MIPOL1: variants seen among roughly 807,000 people sequenced by gnomAD.
MIPOL1 encodes mirror-image polydactyly gene 1 protein.
A neutral mutation model predicts 60.9 loss-of-function variants in MIPOL1; 57 were observed. That is an observed-to-expected ratio of 0.94 (90% confidence interval 0.76 to 1.17). The LOEUF (loss-of-function observed/expected upper bound fraction) is 1.17, where lower values mean the gene tolerates loss of function less well. Ranked by LOEUF, MIPOL1 falls within the 50% of genes most tolerant of loss-of-function variation. The probability of loss-of-function intolerance (pLI) is 0.00; values close to 1 mark genes in which losing one functional copy is unlikely to be tolerated. For missense variants in MIPOL1, 551 were observed against 511.6 expected (o/e 1.08, Z -0.74); for synonymous variants, 179 against 168.8 (o/e 1.06, Z -0.47).
At chr14:37,306,656 G>A (rs1163421355) in intron 7 of MIPOL1, among the ~76,000 whole-genome samples, 2 of 151,676 alleles carry the variant, frequency 1.3e-5, no homozygotes, top group Non-Finnish European at 3.0e-5. Flanking sequence ...CTGGTTAAAT[G>A]CCACTCATTT....
intron 9 of MIPOL1, among the ~76,000 whole-genome samples, chr14:37,349,571 A>G (rs1379972618): frequency 6.6e-6 from 1 of 151,452 alleles, no homozygotes; most frequent in Admixed American, 6.6e-5. Flanking sequence ...TGCTTCAACC[A>G]CTCCTTCCAA....
intron 11 of MIPOL1, among the ~76,000 whole-genome samples, chr14:37,469,120 A>G (rs1160960344): frequency 6.6e-6 from 1 of 152,222 alleles, no homozygotes; most frequent in Non-Finnish European, 1.5e-5. Context: ...GTGGTTTATT[A>G]GTCCATTCTT....
intron 11 of MIPOL1, among the ~76,000 whole-genome samples, chr14:37,486,237 A>T (rs2094943778): frequency 6.6e-6 from 1 of 152,190 alleles, no homozygotes; most frequent in Non-Finnish European, 1.5e-5. Context: ...TGGTTACTAT[A>T]GCCTTGTAGT....
intron 1 of MIPOL1, among the ~76,000 whole-genome samples, chr14:37,238,226 G>T (rs531556864): frequency 4.6e-5 from 7 of 152,026 alleles, no homozygotes; most frequent in African/African-American, 1.7e-4. Context: ...TGTTATAAAC[G>T]ATTGCAAACA....
chr14:37,267,558 T>C (rs1567211086), intron 4 of MIPOL1, among the ~76,000 whole-genome samples: 2 of 152,090 alleles, frequency 1.3e-5, no homozygotes, highest in Non-Finnish European at 2.9e-5. Context: ...TTCTTCCTCT[T>C]TCCTTCTTTC....
chr14:37,270,525 G>A lies in MIPOL1; in HGVS notation c.493G>A (p.Ala165Thr). The A allele has an allele frequency of 6.4e-7, 1 of 1,552,436 alleles. No homozygotes were observed. The highest frequency in any genetic ancestry group is 8.8e-7 in the Non-Finnish European group (1 of 1,136,010). Reference sequence around the variant, plus strand: ...AGCTAAAATTGCTGAAAAGACAGCAGGTATAGTAGAGGAGTATTAACACAT... The same window carrying A: ...AGCTAAAATTGCTGAAAAGACAGCAAGTATAGTAGAGGAGTATTAACACAT... Reference protein sequence around the residue: ...TEAKIAEKTAALVEEVYFAQK... With the variant: ...TEAKIAEKTATLVEEVYFAQK... The change falls in exon 6 of 13, where the codon GCT becomes ACT. Residue 165 changes from alanine to threonine, a missense_variant and splice_region_variant. Coordinates refer to ENST00000684589, the MANE Select transcript of MIPOL1 (RefSeq NM_001388067.1).
chr14:37,531,202 CCT>C (rs1186783638), intron 12 of MIPOL1, among the ~76,000 whole-genome samples: 1 of 152,076 alleles, frequency 6.6e-6, no homozygotes, highest in African/African-American at 2.4e-5. Flanking sequence ...TGCTTATTTG[CCT>C]CTCTTTGTTC....
intron 9 of MIPOL1, among the ~76,000 whole-genome samples, chr14:37,338,502 A>C (rs973895479): frequency 1.2e-4 from 18 of 149,408 alleles, no homozygotes; most frequent in Non-Finnish European, 2.5e-4. Context: ...TCTGCCTCCC[A>C]GATTCAAGTG....
rs909706855 is a variant in MIPOL1 at position 37,247,797 on chromosome 14, A to G, written c.-60-32A>G. 4.7e-6 allele frequency: 6 copies of G among 1,276,792 alleles called. No individual in the cohort carries two copies. The African/African-American group carries it at 6.0e-5, about 13-fold the overall frequency. The allele number at this position is 1,276,792 out of a possible 1,614,324, so 79.1% of individuals were successfully genotyped here. ...AGGTGTGTTCTGATATATTGTTTTC[A>G]GTTTATTTATCTAGAGTTGGCTTTA... is the stretch of plus-strand genomic sequence containing the variant. On this transcript the variant is annotated intron_variant, in intron 2 of 12. Coordinates refer to ENST00000684589, the MANE Select transcript of MIPOL1 (RefSeq NM_001388067.1).
At chr14:37,353,703 T>G (rs1297337831) in intron 9 of MIPOL1, among the ~76,000 whole-genome samples, 12 of 152,272 alleles carry the variant, frequency 7.9e-5, no homozygotes, top group African/African-American at 2.9e-4. Flanking sequence ...TAGAGGTGTT[T>G]GTAGTATTCT....
chr14:37,338,518 C>A (rs1361922599), intron 9 of MIPOL1, among the ~76,000 whole-genome samples: 1 of 151,924 alleles, frequency 6.6e-6, no homozygotes, highest in Non-Finnish European at 1.5e-5. Context: ...AAGTGATTTT[C>A]CTGCCTCAGC....
chr14:37,503,638 C>A (rs1279321583), intron 12 of MIPOL1: 1 of 152,106 alleles, frequency 6.6e-6, no homozygotes, highest in Non-Finnish European at 1.5e-5. Context: ...TTGGAACAAG[C>A]CACTGCAAAA....
At chr14:37,470,580 A>G (rs917847707) in intron 11 of MIPOL1, among the ~76,000 whole-genome samples, 1 of 152,090 alleles carries the variant, frequency 6.6e-6, no homozygotes, top group Non-Finnish European at 1.5e-5. Context: ...AGGCCTCCCC[A>G]GCCATGCTTC....
chr14:37,209,694 CA>C (rs1244981796), intron 1 of MIPOL1, among the ~76,000 whole-genome samples: 1 of 151,936 alleles, frequency 6.6e-6, no homozygotes, highest in Non-Finnish European at 1.5e-5. Context: ...ATAATATATA[CA>C]CATGGTTTTC....
intron 6 of MIPOL1, among the ~76,000 whole-genome samples, chr14:37,271,272 T>TA (rs2083283485): frequency 6.6e-6 from 1 of 152,066 alleles, no homozygotes; most frequent in African/African-American, 2.4e-5. Context: ...TTTCATGGAG[T>TA]AATAGACATT....
intron 11 of MIPOL1, among the ~76,000 whole-genome samples, chr14:37,454,310 G>A (rs945754234): frequency 2.6e-5 from 4 of 152,208 alleles, no homozygotes; most frequent in Admixed American, 2.6e-4. Context: ...TTAATTGGCA[G>A]TCTTGATGTG....
intron 12 of MIPOL1, chr14:37,546,018 T>C (rs532172568): frequency 1.1e-5 from 2 of 190,286 alleles, no homozygotes; most frequent in South Asian, 3.9e-4. Context: ...GGTTGAGGTT[T>C]TATGCTTTCA....
intron 9 of MIPOL1, among the ~76,000 whole-genome samples, chr14:37,366,826 A>T (rs765687410): frequency 6.6e-6 from 1 of 151,968 alleles, no homozygotes; most frequent in Non-Finnish European, 1.5e-5. Flanking sequence ...ATATATATGG[A>T]TGCTCGAATG....
chr14:37,333,624 T>C (rs2089901454), intron 9 of MIPOL1, among the ~76,000 whole-genome samples: 1 of 152,064 alleles, frequency 6.6e-6, no homozygotes, highest in South Asian at 2.1e-4. Flanking sequence ...GAAGTAGGCT[T>C]AAAGGCAAGG....
Sources: gnomAD v4.1 joint callset for allele counts (sites outside exome capture counted in the v4.1 genomes callset) on GRCh38, gnomAD v4.1.1 for gene constraint, MANE v1.5 for transcripts, NCBI Gene and HGNC (gene_info 2026-07-23, HGNC 2026-07-21) for gene names.